Variants in RYR2 observed in about 807,000 individuals in gnomAD.
RYR2 encodes the protein ryanodine receptor 2.
Under a neutral mutation model 601.1 loss-of-function variants are expected in RYR2, and 227 were observed. That is an observed-to-expected ratio of 0.38 (90% confidence interval 0.34 to 0.42). The LOEUF (loss-of-function observed/expected upper bound fraction) is 0.42. RYR2 is among the 10% of genes least tolerant of loss of function. RYR2 has a pLI of 1.00. For missense variants in RYR2, 4,646 were observed against 6,156.5 expected (o/e 0.75, Z 8.21); for synonymous variants, 2,223 against 2,175.1 (o/e 1.02, Z -0.61).
chr1:237,126,539 T>A (rs1671446739), intron 1 of RYR2, among the ~76,000 whole-genome samples: 1 of 152,134 alleles, frequency 6.6e-6, no homozygotes, highest in Non-Finnish European at 1.5e-5. Context: ...CACTGCAGTC[T>A]GAGGCTCCTT....
chr1:237,138,974 G>C (rs919022494), intron 1 of RYR2, among the ~76,000 whole-genome samples: 4 of 152,160 alleles, frequency 2.6e-5, no homozygotes, highest in Admixed American at 6.5e-5. Context: ...AAACAGACTA[G>C]ATTTCCTTCA....
At chr1:237,641,471 G>GTCTGTCTGTCTTTCTT (rs1260670992) in intron 47 of RYR2, among the ~76,000 whole-genome samples, 5 of 108,616 alleles carry the variant, frequency 4.6e-5, no homozygotes, top group African/African-American at 1.5e-4. Flanking sequence ...GTGTCTGTCT[G>GTCTGTCTGTCTTTCTT]TCTTTCTTTC....
intron 16 of RYR2, among the ~76,000 whole-genome samples, chr1:237,464,032 T>C (rs1659775020): frequency 6.6e-6 from 1 of 152,230 alleles, no homozygotes; most frequent in South Asian, 2.1e-4. Context: ...AAATGTTCCT[T>C]TAAATATTTA....
intron 1 of RYR2, among the ~76,000 whole-genome samples, chr1:237,072,135 G>A (rs1336140029): frequency 1.3e-5 from 2 of 152,168 alleles, no homozygotes; most frequent in Admixed American, 6.5e-5. Flanking sequence ...TGGGGCTCCC[G>A]TTCTGACAAC....
At chr1:237,274,516 T>TA (rs1411119559) in intron 2 of RYR2, among the ~76,000 whole-genome samples, 10 of 152,176 alleles carry the variant, frequency 6.6e-5, no homozygotes, top group African/African-American at 2.4e-4. Context: ...ATTACAAAAA[T>TA]AAAAAAGCTA....
intron 1 of RYR2, among the ~76,000 whole-genome samples, chr1:237,233,479 A>C (rs1315809233): frequency 1.3e-5 from 2 of 152,034 alleles, no homozygotes; most frequent in African/African-American, 4.8e-5. Flanking sequence ...GATCTTATCC[A>C]GCAATTTTAT....
At chr1:237,597,001 A>G (rs1333353144) in intron 34 of RYR2, among the ~76,000 whole-genome samples, 1 of 152,236 alleles carries the variant, frequency 6.6e-6, no homozygotes, top group Non-Finnish European at 1.5e-5. Flanking sequence ...AGAAATGCGT[A>G]AGGCAGTGCT....
At chr1:237,615,169 T>C (rs997491492) in intron 37 of RYR2, among the ~76,000 whole-genome samples, 1 of 152,000 alleles carries the variant, frequency 6.6e-6, no homozygotes, top group Non-Finnish European at 1.5e-5. Context: ...CATAGCAAGG[T>C]TTTACTTTCC....
At chr1:237,225,557 C>T (rs901635867) in intron 1 of RYR2, among the ~76,000 whole-genome samples, 3 of 152,152 alleles carry the variant, frequency 2.0e-5, no homozygotes, top group African/African-American at 7.2e-5. Context: ...CCTCCCACAA[C>T]ATGTGAGAAT....
chr1:237,760,909 TG>T (rs1296960628), intron 83 of RYR2, 45 bp from the exon 84 acceptor site: 11 of 1,247,742 alleles, frequency 8.8e-6, no homozygotes, highest in Non-Finnish European at 1.3e-5. Context: ...GCAAAGAAAA[TG>T]TTCTATTAGT....
At chr1:237,748,853 AG>A (rs1692300960) in intron 80 of RYR2, among the ~76,000 whole-genome samples, 1 of 152,224 alleles carries the variant, frequency 6.6e-6, no homozygotes, top group Non-Finnish European at 1.5e-5. Context: ...GTAGCCAACA[AG>A]TACAGACTTT....
At chr1:237,487,600 A>G (rs1662838498) in intron 17 of RYR2, among the ~76,000 whole-genome samples, 1 of 149,328 alleles carries the variant, frequency 6.7e-6, no homozygotes, top group Non-Finnish European at 1.5e-5. Context: ...GCATGCACCT[A>G]TAGTCCCAGC....
rs541617741 is a variant in RYR2 at position 237,765,367 on chromosome 1, C to T, written c.11476+4339C>T. 3.4e-4 allele frequency among the ~76,000 whole-genome samples: 51 copies of T among 151,816 alleles called. 1 individual carries two copies. The highest frequency in any genetic ancestry group is 1.2e-3 in the African/African-American group (49 of 41,386). Reference sequence around the variant, plus strand: ...AGTCCTGGACTTCATAAAAGCAAGACAAAGTTTTGAAGTTGATCCGATTTC... The same window carrying T: ...AGTCCTGGACTTCATAAAAGCAAGATAAAGTTTTGAAGTTGATCCGATTTC... On this transcript the variant is annotated intron_variant, in intron 84 of 104. Coordinates refer to ENST00000366574, the MANE Select transcript of RYR2 (RefSeq NM_001035.3).
rs191590799 is a variant in RYR2, at chr1:237,067,017, C to T, written c.48+24448C>T. On this transcript the variant is annotated intron_variant, in intron 1 of 104. Coordinates refer to ENST00000366574, the MANE Select transcript of RYR2 (RefSeq NM_001035.3). ...GGACTTTATAAAAAATGCTGAATTT[C>T]GAAAATTCTTTATCAATTTTAGATA... Among the ~76,000 whole-genome samples the T allele has an allele frequency of 4.8e-3, 727 of 152,128 alleles. 3 individuals are homozygous for T. The highest frequency in any genetic ancestry group is 0.015 in the African/African-American group (621 of 41,506).
chr1:237,814,283 A>C (rs1471125457), intron 100 of RYR2, among the ~76,000 whole-genome samples: 1 of 152,246 alleles, frequency 6.6e-6, no homozygotes, highest in Non-Finnish European at 1.5e-5. Flanking sequence ...AATTTCTTTA[A>C]TTTAGTTCTC....
In RYR2 at chr1:237,364,481, A is replaced by G. The variant is rs1285953793; in HGVS notation, c.309+109A>G. The G allele has an allele frequency of 8.4e-6, 4 of 478,596 alleles. No homozygotes were observed. The East Asian group carries it at 1.1e-4, about 13-fold the overall frequency. 29.6% of individuals were successfully genotyped at this position (478,596 alleles called of 1,614,324 possible). Reference sequence around the variant, plus strand: ...TTAGTATAGCTGTATTATATATATGACAGATATATATATTACTATATATCA... The same window carrying G: ...TTAGTATAGCTGTATTATATATATGGCAGATATATATATTACTATATATCA... On this transcript the variant is annotated intron_variant, in intron 5 of 104. Transcript: ENST00000366574.
chr1:237,486,892 A>G (rs1021723490), intron 17 of RYR2, among the ~76,000 whole-genome samples: 1 of 152,090 alleles, frequency 6.6e-6, no homozygotes, highest in Non-Finnish European at 1.5e-5. Flanking sequence ...ATTATAATCT[A>G]TATGTTATTT....
chr1:237,191,225 T>G (rs75284506), intron 1 of RYR2, among the ~76,000 whole-genome samples: 12,500 of 152,172 alleles, frequency 0.082, 588 homozygotes, highest in East Asian at 0.15. Flanking sequence ...TGGCCATATA[T>G]GCAAGGGTTT....
intron 1 of RYR2, among the ~76,000 whole-genome samples, chr1:237,220,238 CAG>C (rs894204314): frequency 1.3e-5 from 2 of 152,216 alleles, no homozygotes; most frequent in Admixed American, 6.5e-5. Context: ...GACAAATAGG[CAG>C]ATGAAAGGGA....
Sources: gnomAD v4.1 joint callset for allele counts (sites outside exome capture counted in the v4.1 genomes callset) on GRCh38, gnomAD v4.1.1 for gene constraint, MANE v1.5 for transcripts, NCBI Gene and HGNC (gene_info 2026-07-23, HGNC 2026-07-21) for gene names.